CFAP77: variants seen among roughly 807,000 people sequenced by gnomAD.
CFAP77 encodes cilia and flagella associated protein 77.
A neutral mutation model predicts 31.1 loss-of-function variants in CFAP77; 25 were observed. The observed-to-expected ratio is 0.80, with a 90% confidence interval of 0.59 to 1.12. The LOEUF (loss-of-function observed/expected upper bound fraction) is 1.12. Among genes scored for constraint, CFAP77 ranks in the 50% most tolerant of loss-of-function variants. CFAP77 has a pLI of 0.00. For missense variants in CFAP77, 377 were observed against 397.3 expected (o/e 0.95, Z 0.44); for synonymous variants, 151 against 159.9 (o/e 0.94, Z 0.42).
chr9:132,524,048 G>A (rs951711148), intron 3 of CFAP77, among the ~76,000 whole-genome samples: 1 of 151,876 alleles, frequency 6.6e-6, no homozygotes, highest in African/African-American at 2.4e-5. Context: ...TGCTGCCCAG[G>A]CTGGTCTTGA....
chr9:132,448,910 G>A (rs1399253980), intron 1 of CFAP77, among the ~76,000 whole-genome samples: 5 of 152,128 alleles, frequency 3.3e-5, no homozygotes, highest in Non-Finnish European at 5.9e-5. Context: ...ATTATGAGCA[G>A]TCGGGGAGTG....
intron 5 of CFAP77, among the ~76,000 whole-genome samples, chr9:132,570,697 C>T (rs900778079): frequency 3.3e-5 from 5 of 152,180 alleles, no homozygotes; most frequent in African/African-American, 7.2e-5. Context: ...CCTGGAAGAA[C>T]GGAGTCTCTG....
In CFAP77 at chr9:132,470,253, A is replaced by G. The variant is rs111284932; in HGVS notation, c.196-28442A>G. Among the ~76,000 whole-genome samples the G allele has an allele frequency of 4.2e-3, 635 of 152,240 alleles. 1 individual carries two copies. The highest frequency in any genetic ancestry group is 7.0e-3 in the Non-Finnish European group (477 of 68,010). ...ATGCGCCAAGTCCACGTGCCTCCCA[A>G]TCAGTGTCTCGCTGAGTCATTACAG... On this transcript the variant is annotated intron_variant, in intron 1 of 5. Transcript: ENST00000393216.
chr9:132,516,426 T>C (rs1852147664), intron 3 of CFAP77, among the ~76,000 whole-genome samples: 1 of 152,078 alleles, frequency 6.6e-6, no homozygotes, highest in Non-Finnish European at 1.5e-5. Flanking sequence ...GTAGGTTTCT[T>C]GTCGGGATGA....
At chr9:132,465,945 G>A (rs77978318) in intron 1 of CFAP77, among the ~76,000 whole-genome samples, 29 of 152,330 alleles carry the variant, frequency 1.9e-4, no homozygotes, top group African/African-American at 6.7e-4. Context: ...GCCTGCACCA[G>A]AAACCTGAGA....
rs149876981 is a variant in CFAP77 at position 132,499,561 on chromosome 9, C to T, written c.485C>T (p.Pro162Leu). The T allele has an allele frequency of 5.6e-6, 9 of 1,614,208 alleles. No individual in the cohort carries two copies. In the East Asian group the frequency reaches 1.6e-4, roughly 28 times the overall value. Residue 162 changes from proline (P) to leucine (L), a missense_variant, in exon 3 of 6, where the codon CCC (proline) becomes CTC (leucine). Pro to Leu is a moderately conservative substitution (Grantham distance 98). Transcript: ENST00000393216. The surrounding 1 kb of genome is among the most constrained non-coding windows in gnomAD (Gnocchi z 5.4). ...QDDRRMKKEPPPLPPNMTFGI... is the reference protein window; with the variant it reads ...QDDRRMKKEPLPLPPNMTFGI... The stretch of plus-strand genomic sequence containing the variant: ...GACCGGCGCATGAAGAAAGAGCCGC[C>T]CCCTCTCCCTCCAAACATGACATTT...
chr9:132,438,521 A>G lies in CFAP77; in HGVS notation c.195+28055A>G, dbSNP rs968732093. On this transcript the variant is annotated intron_variant, in intron 1 of 5. Coordinates refer to ENST00000393216, the MANE Select transcript of CFAP77 (RefSeq NM_001282957.2). ...CTTTATTTGGGGGAACAGATATGGT[A>G]TATATATATATATATATATATTTTT... 7.7e-5 allele frequency among the ~76,000 whole-genome samples: 9 copies of G among 116,320 alleles called. No individual in the cohort carries two copies. In the East Asian group the frequency reaches 9.8e-4, roughly 13 times the overall value. The allele number at this position is 116,320 out of a possible 152,430, so 76.3% of individuals were successfully genotyped here.
rs1014198272 is a variant in CFAP77 at position 132,517,195 on chromosome 9, C to T, written c.524+17595C>T. 6.6e-6 allele frequency among the ~76,000 whole-genome samples: 1 copy of T among 152,202 alleles called. No individual in the cohort carries two copies. The highest frequency in any genetic ancestry group is 1.5e-5 in the Non-Finnish European group (1 of 68,032). ...TCCCTCCTCCCAAACCAGCCATCTA[C>T]GGTCTCAGGCCCAGCCTCAGAGGCC... On this transcript the variant is annotated intron_variant, in intron 3 of 5. Transcript: ENST00000393216. This position sits in a 1 kb window ranked among gnomAD's most constrained non-coding sequence, Gnocchi z 4.7.
At chr9:132,456,843 T>C (rs1305207487) in intron 1 of CFAP77, among the ~76,000 whole-genome samples, 4 of 152,068 alleles carry the variant, frequency 2.6e-5, no homozygotes, top group Non-Finnish European at 5.9e-5. Context: ...CTCCACCTCC[T>C]GGGCTCAAGC....
intron 5 of CFAP77, among the ~76,000 whole-genome samples, chr9:132,553,421 G>T (rs1852851749): frequency 6.6e-6 from 1 of 152,136 alleles, no homozygotes; most frequent in African/African-American, 2.4e-5. Context: ...GGGCAACTAA[G>T]TGAGACTCTG....
At chr9:132,411,354 G>T (rs1002588380) in intron 1 of CFAP77, among the ~76,000 whole-genome samples, 1 of 152,222 alleles carries the variant, frequency 6.6e-6, no homozygotes, top group Non-Finnish European at 1.5e-5. Flanking sequence ...ACCGCCAGGC[G>T]CTGAGTAGAG....
At chr9:132,492,498 C>T (rs572308770) in intron 1 of CFAP77, among the ~76,000 whole-genome samples, 15 of 152,164 alleles carry the variant, frequency 9.9e-5, no homozygotes, top group Non-Finnish European at 2.1e-4. Context: ...CCAGCCCAGG[C>T]CATCTATGCT....
At chr9:132,529,698 C>T (rs1239371595) in intron 3 of CFAP77, among the ~76,000 whole-genome samples, 1 of 151,444 alleles carries the variant, frequency 6.6e-6, no homozygotes, top group Non-Finnish European at 1.5e-5. Flanking sequence ...TGGTGGCAGG[C>T]ACCTGTAATC....
At chr9:132,486,111 G>C (rs1362908966) in intron 1 of CFAP77, among the ~76,000 whole-genome samples, 2 of 29,592 alleles carry the variant, frequency 6.8e-5, no homozygotes, top group Admixed American at 6.8e-4. Context: ...TTTTTTTTTT[G>C]AGACGGAGTC....
In CFAP77 at chr9:132,555,103, T is replaced by A. The variant is rs77882803; in HGVS notation, c.732+12056T>A. 7.5e-3 allele frequency among the ~76,000 whole-genome samples: 1,147 copies of A among 152,312 alleles called. 18 individuals carry two copies. The highest frequency in any genetic ancestry group is 0.026 in the African/African-American group (1,085 of 41,556). On this transcript the variant is annotated intron_variant, in intron 5 of 5. Transcript: ENST00000393216. ...CCAAGACATTTGAAGGCCTCCTGTC[T>A]GCGGACATTTCCCTAGAACCATGCC...
intron 1 of CFAP77, among the ~76,000 whole-genome samples, chr9:132,484,071 G>T (rs893575658): frequency 6.6e-6 from 1 of 151,710 alleles, no homozygotes; most frequent in Admixed American, 6.6e-5. Context: ...TGAGTAGCTG[G>T]AATTACAAGT....
At chr9:132,453,321 TC>T (rs1850860312) in intron 1 of CFAP77, among the ~76,000 whole-genome samples, 3 of 150,968 alleles carry the variant, frequency 2.0e-5, no homozygotes, top group African/African-American at 7.4e-5. Context: ...GCTCCGGAGT[TC>T]GAGACCAGCC....
At chr9:132,433,586 C>G (rs1039703704) in intron 1 of CFAP77, among the ~76,000 whole-genome samples, 3 of 150,962 alleles carry the variant, frequency 2.0e-5, no homozygotes, top group African/African-American at 7.3e-5. Context: ...CTCACTCTGT[C>G]ACCCAGGCTG....
intron 1 of CFAP77, among the ~76,000 whole-genome samples, chr9:132,483,861 C>T (rs1430827282): frequency 3.3e-5 from 5 of 152,118 alleles, no homozygotes; most frequent in African/African-American, 1.2e-4. Flanking sequence ...TCCTGTCCTC[C>T]CATCCTTAAG....
Sources: gnomAD v4.1 joint callset for allele counts (sites outside exome capture counted in the v4.1 genomes callset) on GRCh38, gnomAD v4.1.1 for gene constraint, Gnocchi (gnomAD v3.1) non-coding constraint, MANE v1.5 for transcripts, NCBI Gene and HGNC (gene_info 2026-07-23, HGNC 2026-07-21) for gene names.